Variants in LVRN observed in about 807,000 individuals in gnomAD.
The protein encoded by LVRN is aminopeptidase Q.
In LVRN, 99 loss-of-function variants were observed where a neutral mutation model predicts 111.4. The ratio of observed to expected loss-of-function variants is 0.89; its 90% confidence interval spans 0.76 to 1.05. The LOEUF (loss-of-function observed/expected upper bound fraction) is 1.05, where lower values mean the gene tolerates loss of function less well. Among genes scored for constraint, LVRN ranks in the 50% least tolerant of loss-of-function variants. The probability of loss-of-function intolerance (pLI) is 0.00; values close to 1 mark genes in which losing one functional copy is unlikely to be tolerated. For synonymous variants in LVRN, 488 were observed against 449.5 expected (o/e 1.09, Z -1.08); for missense variants, 1,414 against 1,206.8 (o/e 1.17, Z -2.54).
At chr5:116,017,159 A>G (rs756768086) in intron 18 of LVRN, among the ~76,000 whole-genome samples, 4 of 152,232 alleles carry the variant, frequency 2.6e-5, no homozygotes, top group African/African-American at 4.8e-5. Context: ...ACAGAACACC[A>G]GGAAATGCCT....
chr5:115,965,406 C>G (rs1396071428), intron 1 of LVRN, among the ~76,000 whole-genome samples: 1 of 152,104 alleles, frequency 6.6e-6, no homozygotes. Context: ...AACTATTATA[C>G]ACTTAAAAAT....
chr5:115,983,190 A>T, intron 1 of LVRN, 97 bp from the exon 2 acceptor site: 4 of 1,352,424 alleles, frequency 3.0e-6, no homozygotes, highest in Non-Finnish European at 3.9e-6. Flanking sequence ...TTCCTCTAAC[A>T]CACCAGGCTA....
intron 11 of LVRN, 87 bp downstream of exon 11, chr5:116,002,998 G>A (rs982746750): frequency 2.6e-6 from 3 of 1,171,152 alleles, no homozygotes; most frequent in East Asian, 5.2e-5. Flanking sequence ...CTTTTGAAAA[G>A]CCATTTCATT....
At chr5:115,970,004 G>T (rs1753288564) in intron 1 of LVRN, among the ~76,000 whole-genome samples, 1 of 151,050 alleles carries the variant, frequency 6.6e-6, no homozygotes. Context: ...CTTTTTCCTG[G>T]GTTATCATGC....
intron 12 of LVRN, among the ~76,000 whole-genome samples, chr5:116,005,055 A>G (rs1268362107): frequency 6.6e-6 from 1 of 152,216 alleles, no homozygotes; most frequent in Non-Finnish European, 1.5e-5. Flanking sequence ...TTGTAGATTT[A>G]CTTATTGAAA....
At position 115,962,951 on chromosome 5, in the gene LVRN, T is replaced by G; in HGVS notation, c.334T>G (p.Trp112Gly). Residue 112 changes from tryptophan (W) to glycine (G), a missense_variant, in exon 1 of 20, where the codon TGG becomes GGG. By Grantham distance (184) the Trp-to-Gly change is radical (BLOSUM62 -2). Coordinates refer to ENST00000357872, the MANE Select transcript of LVRN (RefSeq NM_173800.5). ...GCCGCTGCACTACGATCTGGAGCTGTGGCCGCAGCTGAGGCCCGACGAGCT... is the reference window on the plus strand; with the variant it reads ...GCCGCTGCACTACGATCTGGAGCTGGGGCCGCAGCTGAGGCCCGACGAGCT... ...LVPLHYDLEL[W>G]PQLRPDELPA... 1.9e-6 allele frequency: 3 copies of G among 1,613,148 alleles called. No homozygotes were observed. In the East Asian group the frequency reaches 6.7e-5, roughly 36 times the overall value.
At chr5:116,001,418 T>C (rs558996366) in intron 10 of LVRN, among the ~76,000 whole-genome samples, 179 bp downstream of exon 10, 55 of 152,244 alleles carry the variant, frequency 3.6e-4, no homozygotes, top group African/African-American at 1.2e-3. Context: ...GACCCGCAGT[T>C]AGGGATTCAA....
chr5:115,966,096 A>G (rs572684924), intron 1 of LVRN, among the ~76,000 whole-genome samples: 3 of 152,248 alleles, frequency 2.0e-5, no homozygotes, highest in Non-Finnish European at 2.9e-5. Flanking sequence ...CATTGGTACT[A>G]TGCATATATA....
chr5:116,007,657 A>G (rs1748403233), intron 13 of LVRN, among the ~76,000 whole-genome samples: 1 of 152,182 alleles, frequency 6.6e-6, no homozygotes, highest in South Asian at 2.1e-4. Flanking sequence ...GCAGTGTCAT[A>G]TGTACTACAG....
chr5:115,985,169 T>A (rs1747830545), intron 3 of LVRN, among the ~76,000 whole-genome samples: 1 of 152,168 alleles, frequency 6.6e-6, no homozygotes, highest in Non-Finnish European at 1.5e-5. Flanking sequence ...GAACAACTGC[T>A]ATGGCTGAAA....
In LVRN at chr5:116,026,380, A is replaced by C. The variant is rs147644195; in HGVS notation, c.*262A>C. The stretch of plus-strand genomic sequence containing the variant: ...TATAATCCCACAGAATTTACTTTAA[A>C]TGTCACGTAAAAACAAATTCACCTA... On this transcript the variant is annotated 3_prime_UTR_variant, in exon 20 of 20. Transcript: ENST00000357872. 1.1e-3 allele frequency: 480 copies of C among 448,122 alleles called. 1 individual carries two copies. Among genetic ancestry groups the C allele is most frequent in the African/African-American group, 8.8e-3 (443 of 50,302 alleles). 27.8% of individuals were successfully genotyped at this position (448,122 alleles called of 1,614,324 possible).
chr5:115,975,338 C>G, intron 1 of LVRN: 1 of 281,652 alleles, frequency 3.6e-6, no homozygotes, highest in Non-Finnish European at 6.8e-6. Flanking sequence ...TTGGGAGTTG[C>G]CAATATGATA....
At chr5:115,993,032 C>A (rs1241037480) in intron 5 of LVRN, among the ~76,000 whole-genome samples, 1 of 152,148 alleles carries the variant, frequency 6.6e-6, no homozygotes, top group Non-Finnish European at 1.5e-5. Context: ...TATTAAGTCA[C>A]CCGAAGTGTC....
At position 116,002,864 on chromosome 5, in the gene LVRN, T is replaced by TA. The variant is rs1425330587; in HGVS notation, c.1856dup (p.Asn619LysfsTer26). The TA allele has an allele frequency of 3.1e-6, 5 of 1,610,676 alleles. No individual in the cohort carries two copies. The highest frequency in any genetic ancestry group is 4.2e-6 in the Non-Finnish European group (5 of 1,177,794). On this transcript the variant is annotated frameshift_variant, in exon 11 of 20. Transcript: ENST00000357872. LOFTEE classifies it high-confidence loss of function. ...ACATGGATTGTCCCTATTCTTTGGA[T>TA]AAAAAATGGAACTACACAACCTTTA...
At chr5:115,988,597 G>C (rs1319582829) in intron 4 of LVRN, among the ~76,000 whole-genome samples, 2 of 152,110 alleles carry the variant, frequency 1.3e-5, no homozygotes, top group Admixed American at 6.6e-5. Context: ...TGACATGTTA[G>C]TTGAAGACTT....
intron 1 of LVRN, among the ~76,000 whole-genome samples, chr5:115,980,867 G>C (rs1046432825): frequency 2.0e-5 from 3 of 152,050 alleles, no homozygotes; most frequent in African/African-American, 7.2e-5. Flanking sequence ...CCTGGAAGGG[G>C]GTTGTTTCTC....
chr5:115,971,849 G>GA (rs1016781377), intron 1 of LVRN, among the ~76,000 whole-genome samples: 2 of 151,396 alleles, frequency 1.3e-5, no homozygotes, highest in South Asian at 2.1e-4. Flanking sequence ...ATTAAATAAA[G>GA]AAAAAAAAGC....
chr5:115,973,873 T>A (rs1415763775), intron 1 of LVRN, among the ~76,000 whole-genome samples: 2 of 152,218 alleles, frequency 1.3e-5, no homozygotes, highest in East Asian at 3.8e-4. Context: ...AGGTTTCTTC[T>A]ACTTCTAATA....
rs77865042 is a variant in LVRN, at chr5:115,999,218, T to C, written c.1375-544T>C. 7.2e-3 allele frequency among the ~76,000 whole-genome samples: 1,101 copies of C among 152,380 alleles called. 14 individuals carry two copies. The highest frequency in any genetic ancestry group is 0.024 in the African/African-American group (1,012 of 41,588). ...AGAGCTAGTCTTTTAAAGAGTCCTA[T>C]GGTTTTTATTAAAATATAATAAATT... On this transcript the variant is annotated intron_variant, in intron 6 of 19. Coordinates refer to ENST00000357872, the MANE Select transcript of LVRN (RefSeq NM_173800.5).
Sources: gnomAD v4.1 joint callset for allele counts (sites outside exome capture counted in the v4.1 genomes callset) on GRCh38, gnomAD v4.1.1 for gene constraint, MANE v1.5 for transcripts, NCBI Gene and HGNC (gene_info 2026-07-23, HGNC 2026-07-21) for gene names.